CFAP47: variants seen among roughly 807,000 people sequenced by gnomAD.
CFAP47 encodes cilia- and flagella-associated protein 47.
CFAP47 carries 29 observed loss-of-function variants against 148.1 expected under a neutral mutation model. The ratio of observed to expected loss-of-function variants is 0.20; its 90% CI spans 0.15 to 0.27. The LOEUF (loss-of-function observed/expected upper bound fraction) is 0.27, where lower values mean the gene tolerates loss of function less well. Ranked by LOEUF, CFAP47 falls within the 10% of genes least tolerant of loss-of-function variation. The probability of loss-of-function intolerance (pLI) is 1.00; values close to 1 mark genes in which losing one functional copy is unlikely to be tolerated. For synonymous variants in CFAP47, 664 were observed against 577.3 expected, an observed-to-expected ratio of 1.15 and a Z score of -2.15; for missense variants, 1,872 against 1,697.5, an observed-to-expected ratio of 1.10 and a Z score of -1.81.
intron 30 of CFAP47, among the ~76,000 whole-genome samples, chrX:36,089,445 T>C (rs191583526): frequency 3.6e-5 from 4 of 112,240 alleles, no homozygotes; most frequent in Non-Finnish European, 7.5e-5. Flanking sequence ...ATGACCATTA[T>C]AGTATCTTAT....
chrX:35,923,980 TATATATGTAC>T (rs1282287276), intron 1 of CFAP47, among the ~76,000 whole-genome samples: 1 of 100,317 alleles, frequency 1.0e-5, no homozygotes, highest in Admixed American at 1.1e-4. Context: ...TATGTATGTG[TATATATGTAC>T]ATATATGTGT....
At chrX:36,108,771 A>G (rs1161342438) in intron 33 of CFAP47, among the ~76,000 whole-genome samples, 1 of 103,312 alleles carries the variant, frequency 9.7e-6, no homozygotes, top group Non-Finnish European at 2.0e-5. Context: ...GCTGTAAACT[A>G]TTGATTGGCT....
At chrX:36,297,333 T>TTA (rs1211557745) in intron 51 of CFAP47, among the ~76,000 whole-genome samples, 2 of 111,939 alleles carry the variant, frequency 1.8e-5, no homozygotes, top group Middle Eastern at 4.7e-3. Context: ...TCCCAGAAGC[T>TTA]TAGTAAGAAT....
chrX:36,188,621 G>T lies in CFAP47; in HGVS notation c.6106G>T (p.Asp2036Tyr), dbSNP rs782355143. 10 of 295,631 alleles carry T rather than the reference G, an allele frequency of 3.4e-5. No homozygotes were observed. Among genetic ancestry groups the T allele is most frequent in the Non-Finnish European group, 5.9e-5 (10 of 169,848 alleles). The allele number at this position is 295,631 out of a possible 1,213,427, so 24.4% of individuals were successfully genotyped here. Reference protein sequence around the residue: ...TESRQYPKHDDDMSSSGSDTD... With the variant: ...TESRQYPKHDYDMSSSGSDTD... The stretch of plus-strand genomic sequence containing the variant: ...TGTTTTCCTATTTTCTTGTGTCAGT[G>T]ATGATATGAGTAGCAGTGGGAGTGA... Residue 2036 changes from aspartate (D) to tyrosine (Y), a missense_variant and splice_region_variant, in exon 41 of 64, where the codon GAT (aspartate) becomes TAT (tyrosine). Coordinates refer to ENST00000378653, the MANE Select transcript of CFAP47 (RefSeq NM_001304548.2).
chrX:36,162,630 C>T (rs1939444405), intron 39 of CFAP47, among the ~76,000 whole-genome samples: 1 of 111,464 alleles, frequency 9.0e-6, no homozygotes, highest in Non-Finnish European at 1.9e-5. Context: ...TTTCACATTA[C>T]TTTGAACAAA....
intron 40 of CFAP47, among the ~76,000 whole-genome samples, chrX:36,181,566 T>C (rs1335148794): frequency 8.9e-6 from 1 of 111,774 alleles, no homozygotes; most frequent in Non-Finnish European, 1.9e-5. Context: ...TTATTTATAA[T>C]GCTATACTTC....
intron 21 of CFAP47, among the ~76,000 whole-genome samples, chrX:36,005,180 G>T (rs867317576): frequency 2.7e-5 from 3 of 110,281 alleles, no homozygotes; most frequent in Non-Finnish European, 5.7e-5. Flanking sequence ...TATTATTTTT[G>T]ATTCTTTATT....
At chrX:35,929,173 G>A (rs1180324822) in intron 2 of CFAP47, among the ~76,000 whole-genome samples, 1 of 110,505 alleles carries the variant, frequency 9.0e-6, no homozygotes, top group Non-Finnish European at 1.9e-5. Context: ...TAATCTTTCT[G>A]AGCCTGCAAA....
chrX:36,180,071 C>T (rs1939732595), intron 40 of CFAP47, among the ~76,000 whole-genome samples: 2 of 111,564 alleles, frequency 1.8e-5, no homozygotes, highest in African/African-American at 6.5e-5. Flanking sequence ...CCTTTAACAC[C>T]ATGAACGCAC....
chrX:36,041,203 T>C (rs756649140), intron 25 of CFAP47, among the ~76,000 whole-genome samples: 8 of 110,847 alleles, frequency 7.2e-5, no homozygotes, highest in Non-Finnish European at 1.5e-4. Flanking sequence ...GTTTCTTCTT[T>C]GAAAGAGGAA....
Position 35,951,127 on chromosome X carries a change from G to A in CFAP47, c.657-4G>A, listed in dbSNP as rs1936157254. 5 of 1,178,104 alleles carry A rather than the reference G, an allele frequency of 4.2e-6. No homozygotes were observed. The highest frequency in any genetic ancestry group is 5.8e-6 in the Non-Finnish European group (5 of 866,414). ...ATGTATGTGCATATCTTATTATCCT[G>A]TAGAGTGATTTTGCAAGGTCAACCT... On this transcript the variant is annotated splice_region_variant and splice_polypyrimidine_tract_variant and intron_variant, in intron 4 of 63. Transcript: ENST00000378653.
intron 5 of CFAP47, 50 bp from the exon 6 acceptor site, chrX:35,951,753 T>C: frequency 9.7e-7 from 1 of 1,034,514 alleles, no homozygotes; most frequent in South Asian, 3.6e-5. Context: ...CCTCAAAAAT[T>C]TTTTTGTGTT....
chrX:36,371,870 A>G (rs782541921), intron 62 of CFAP47, among the ~76,000 whole-genome samples: 1 of 68,333 alleles, frequency 1.5e-5, no homozygotes, highest in African/African-American at 8.6e-5. Context: ...ATATACACAC[A>G]TGTGTATATA....
intron 42 of CFAP47, among the ~76,000 whole-genome samples, chrX:36,197,696 A>G (rs988122574): frequency 1.8e-5 from 2 of 112,187 alleles, no homozygotes; most frequent in Non-Finnish European, 1.9e-5. Flanking sequence ...AAAATATACT[A>G]TATGAAAATT....
intron 62 of CFAP47, among the ~76,000 whole-genome samples, chrX:36,372,012 CTA>C (rs781936499): frequency 4.2e-4 from 35 of 83,642 alleles, no homozygotes; most frequent in Admixed American, 9.9e-4. Flanking sequence ...ATGTGTGTAT[CTA>C]TGTGTATATG....
chrX:35,975,954 T>A, intron 15 of CFAP47, 41 bp downstream of exon 15: 1 of 1,127,923 alleles, frequency 8.9e-7, no homozygotes. Flanking sequence ...ATTTATTTTT[T>A]CATGTATTCA....
At chrX:36,177,720 T>TTTA (rs1355416080) in intron 39 of CFAP47, among the ~76,000 whole-genome samples, 53 of 112,386 alleles carry the variant, frequency 4.7e-4, no homozygotes, top group African/African-American at 1.7e-3. Context: ...TTTAAAACAA[T>TTTA]AGTACAGAAT....
chrX:35,952,359 T>A lies in CFAP47; in HGVS notation c.1046+396T>A, dbSNP rs745680487. On this transcript the variant is annotated intron_variant, in intron 6 of 63. Transcript: ENST00000378653. ...ACTTCTGGCAGGGCAGAATTATTGC[T>A]GACTATCCTAAGTATTAAACCTATA... 2.0e-4 allele frequency among the ~76,000 whole-genome samples: 22 copies of A among 111,895 alleles called. No homozygotes were observed. In the South Asian group the frequency reaches 8.2e-3, roughly 42 times the overall value.
intron 26 of CFAP47, among the ~76,000 whole-genome samples, chrX:36,059,273 A>T (rs192501490): frequency 4.8e-4 from 54 of 111,934 alleles, no homozygotes; most frequent in African/African-American, 1.6e-3. Context: ...CCTGTCTTAT[A>T]AAGTCAATAA....
Sources: allele counts gnomAD v4.1 joint callset (sites outside exome capture counted in the v4.1 genomes callset), GRCh38; gene constraint gnomAD v4.1.1; transcripts MANE v1.5; gene names NCBI Gene and HGNC (gene_info 2026-07-23, HGNC 2026-07-21).